GDF3: variants seen among roughly 807,000 people sequenced by gnomAD.
The protein encoded by GDF3 is growth differentiation factor 3, also known as growth/differentiation factor 3.
GDF3 carries 10 observed loss-of-function variants against 10.2 expected under a neutral mutation model. That is an observed-to-expected ratio of 0.98 (90% CI 0.60 to 1.66). The LOEUF (loss-of-function observed/expected upper bound fraction) is 1.66, where lower values mean the gene tolerates loss of function less well. GDF3 is among the 40% of genes most tolerant of loss of function. The pLI is 0.00. For missense variants in GDF3, 450 were observed against 438.3 expected (o/e 1.03, Z -0.24); for synonymous variants, 166 against 178.5 (o/e 0.93, Z 0.56).
chr12:7,690,549 C>T lies in GDF3; in HGVS notation c.424G>A (p.Glu142Lys). The T allele has an allele frequency of 6.2e-7, 1 of 1,609,266 alleles. No individual in the cohort carries two copies. The highest frequency in any genetic ancestry group is 1.1e-5 in the South Asian group (1 of 90,678). Reference protein sequence around the residue: ...GPNSYYNLGPELELALFLVQE... With the variant: ...GPNSYYNLGPKLELALFLVQE... ...ACCAGGAACAGAGCCAGTTCCAGCT[C>T]TGGTCCCAGGTTATAGTAAGAATTG... Residue 142 changes from glutamate to lysine, a missense_variant, in exon 2 of 2, where the codon GAG becomes AAG. By Grantham distance (56) the Glu-to-Lys change is moderately conservative (BLOSUM62 1). Coordinates refer to ENST00000329913, the MANE Select transcript of GDF3 (RefSeq NM_020634.3).
At chr12:7,693,846 G>C (rs765147171) in intron 1 of GDF3, among the ~76,000 whole-genome samples, 3 of 151,926 alleles carry the variant, frequency 2.0e-5, no homozygotes, top group Admixed American at 2.0e-4. Context: ...TACTCTACTC[G>C]GCAGGCTGAG....
chr12:7,690,213 G>T lies in GDF3; in HGVS notation c.760C>A (p.Pro254Thr), dbSNP rs761410871. Residue 254 changes from proline (P) to threonine (T), a missense_variant, in exon 2 of 2, where the codon CCT (proline) becomes ACT (threonine). Coordinates refer to ENST00000329913, the MANE Select transcript of GDF3 (RefSeq NM_020634.3). ...HPSRKRRAAI[P>T]VPKLSCKNLC... ...TTCTTACAAGAAAGCTTGGGGACAGGGATGGCTGCTCTCCTTTTCCGAGAA... is the reference window on the plus strand; with the variant it reads ...TTCTTACAAGAAAGCTTGGGGACAGTGATGGCTGCTCTCCTTTTCCGAGAA... The T allele has an allele frequency of 5.6e-6, 9 of 1,613,992 alleles. No individual in the cohort carries two copies. Among genetic ancestry groups the T allele is most frequent in the South Asian group, 4.4e-5 (4 of 91,086 alleles).
intron 1 of GDF3, among the ~76,000 whole-genome samples, chr12:7,695,134 C>T (rs997474653): frequency 6.6e-5 from 10 of 152,038 alleles, no homozygotes; most frequent in African/African-American, 2.4e-4. Flanking sequence ...TCTGATTCCT[C>T]CCTCACCTCT....
chr12:7,695,745 G>A lies in GDF3; in HGVS notation c.-17C>T, dbSNP rs1239334185. 1.9e-6 allele frequency: 3 copies of A among 1,613,856 alleles called. No individual in the cohort carries two copies. The highest frequency in any genetic ancestry group is 2.5e-6 in the Non-Finnish European group (3 of 1,179,864). On this transcript the variant is annotated 5_prime_UTR_variant, in exon 1 of 2. Transcript: ENST00000329913. ...ACGAAGCATGGCCTCTGGAGTGGCTGTCAGACCGGGGAGAGCTCCACTGCC... is the reference window on the plus strand; with the variant it reads ...ACGAAGCATGGCCTCTGGAGTGGCTATCAGACCGGGGAGAGCTCCACTGCC...
chr12:7,690,952 C>T (rs1864123538), intron 1 of GDF3, among the ~76,000 whole-genome samples: 1 of 151,826 alleles, frequency 6.6e-6, no homozygotes, highest in South Asian at 2.1e-4. Flanking sequence ...GAGATCGAGA[C>T]TATCCTGGCT....
chr12:7,690,105 C>T lies in GDF3; in HGVS notation c.868G>A (p.Ala290Thr), dbSNP rs1160393098. Residue 290 changes from alanine to threonine, a missense_variant, in exon 2 of 2, where the codon GCA becomes ACA. Physicochemically the swap from Ala to Thr is moderately conservative, Grantham distance 58. Transcript: ENST00000329913. ...GGACACTCTCCATGGCAGTAATTTG[C>T]CATGAACCCCTTGGGGGCAATGATC... The part of the protein sequence containing the change: ...KWIIAPKGFM[A>T]NYCHGECPFS... 1.9e-6 allele frequency: 3 copies of T among 1,614,040 alleles called. No homozygotes were observed. Among genetic ancestry groups the T allele is most frequent in the African/African-American group, 1.3e-5 (1 of 75,018 alleles).
Position 7,695,357 on chromosome 12 carries a change from A to G in GDF3, c.268+104T>C, listed in dbSNP as rs1450063184. 4.7e-6 allele frequency: 5 copies of G among 1,071,770 alleles called. No individual in the cohort carries two copies. In the East Asian group the frequency reaches 9.4e-5, roughly 20 times the overall value. The allele number at this position is 1,071,770 out of a possible 1,614,324, so 66.4% of individuals were successfully genotyped here. ...AATTAAATGAGACAAAATATGAAAA[A>G]TACCAGCACAAGGCCATCAGTAATT... On this transcript the variant is annotated intron_variant, in intron 1 of 1. Transcript: ENST00000329913.
rs764408748 is a variant in GDF3 at position 7,690,257 on chromosome 12, T to A, written c.716A>T (p.Asn239Ile). 1.9e-6 allele frequency: 3 copies of A among 1,614,036 alleles called. No individual in the cohort carries two copies. The highest frequency in any genetic ancestry group is 2.5e-6 in the Non-Finnish European group (3 of 1,179,996). ...LHASLLVVTL[N>I]PDQCHPSRKR... is the part of the protein sequence containing the mutation. ...CCGAGAAGGGTGGCACTGATCAGGG[T>A]TGAGAGTCACCACCAGCAGGGAAGC... The change falls in exon 2 of 2, where the codon AAC becomes ATC. Residue 239 changes from asparagine (N) to isoleucine (I), a missense_variant. Asn to Ile is a moderately radical substitution (Grantham distance 149, BLOSUM62 -3). Transcript: ENST00000329913.
At chr12:7,690,925 G>A (rs999113658) in intron 1 of GDF3, among the ~76,000 whole-genome samples, 3 of 152,070 alleles carry the variant, frequency 2.0e-5, no homozygotes, top group African/African-American at 7.2e-5. Flanking sequence ...GCCGAGGCGG[G>A]CGGATCACGA....
intron 1 of GDF3, among the ~76,000 whole-genome samples, chr12:7,694,302 C>A (rs1257824014): frequency 6.6e-6 from 1 of 152,060 alleles, no homozygotes; most frequent in Non-Finnish European, 1.5e-5. Flanking sequence ...GTGGCTCAGG[C>A]CTGTAATCCC....
intron 1 of GDF3, among the ~76,000 whole-genome samples, chr12:7,692,565 A>G (rs1465647818): frequency 6.8e-6 from 1 of 146,864 alleles, no homozygotes; most frequent in African/African-American, 2.5e-5. Flanking sequence ...GCTGGAGTGC[A>G]CTGGCTTGAT....
intron 1 of GDF3, 130 bp downstream of exon 1, chr12:7,695,331 G>A (rs373165986): frequency 1.9e-5 from 18 of 938,812 alleles, no homozygotes; most frequent in African/African-American, 1.3e-4. Context: ...ATCGTGGCTG[G>A]AATTAAATGA....
intron 1 of GDF3, 82 bp from the exon 2 acceptor site, chr12:7,690,786 C>T (rs895725675): frequency 1.3e-6 from 1 of 797,426 alleles, no homozygotes; most frequent in Non-Finnish European, 2.2e-6. Flanking sequence ...GCCAGACACC[C>T]ACATATACAA....
intron 1 of GDF3, 90 bp downstream of exon 1, chr12:7,695,371 C>T: frequency 8.7e-7 from 1 of 1,148,682 alleles, no homozygotes; most frequent in East Asian, 2.3e-5. Flanking sequence ...CAGCACAAGG[C>T]CATCAGTAAT....
chr12:7,691,990 G>C (rs1275537356), intron 1 of GDF3, among the ~76,000 whole-genome samples: 1 of 151,100 alleles, frequency 6.6e-6, no homozygotes, highest in African/African-American at 2.4e-5. Flanking sequence ...CTGGGCGACA[G>C]AGCAAGACTC....
intron 1 of GDF3, among the ~76,000 whole-genome samples, chr12:7,694,587 A>AAAAAAAAC (rs1864163447): frequency 6.6e-6 from 1 of 151,548 alleles, no homozygotes; most frequent in Non-Finnish European, 1.5e-5. Flanking sequence ...AAAAAAAAAA[A>AAAAAAAAC]AAAAGGCAAA....
intron 1 of GDF3, 52 bp downstream of exon 1, chr12:7,695,409 T>G: frequency 1.9e-6 from 3 of 1,550,822 alleles, no homozygotes; most frequent in Non-Finnish European, 2.7e-6. Context: ...CTTTCCTTTC[T>G]TCACACCACC....
intron 1 of GDF3, among the ~76,000 whole-genome samples, chr12:7,691,934 G>A (rs985432131): frequency 6.6e-5 from 10 of 151,944 alleles, no homozygotes; most frequent in African/African-American, 2.4e-4. Context: ...GTGAACCCGG[G>A]AGGCGGAGCT....
chr12:7,691,247 G>T (rs1592072943), intron 1 of GDF3, among the ~76,000 whole-genome samples: 2 of 151,966 alleles, frequency 1.3e-5, no homozygotes, highest in South Asian at 4.2e-4. Flanking sequence ...AACTTAGATG[G>T]GAAAAATAAT....
Sources: gnomAD v4.1 joint callset for allele counts (sites outside exome capture counted in the v4.1 genomes callset) on GRCh38, gnomAD v4.1.1 for gene constraint, MANE v1.5 for transcripts, NCBI Gene and HGNC (gene_info 2026-07-23, HGNC 2026-07-21) for gene names.